ADAMTS19: variants seen among roughly 807,000 people sequenced by gnomAD.
The protein encoded by ADAMTS19 is A disintegrin and metalloproteinase with thrombospondin motifs 19.
ADAMTS19 carries 93 observed loss-of-function variants against 153.3 expected under a neutral mutation model. The observed-to-expected ratio is 0.61, with a 90% CI of 0.51 to 0.72. The LOEUF (loss-of-function observed/expected upper bound fraction) is 0.72, where lower values mean the gene tolerates loss of function less well. Ranked by LOEUF, ADAMTS19 falls within the 30% of genes least tolerant of loss-of-function variation. The probability of loss-of-function intolerance (pLI) is 0.00; values close to 1 mark genes in which losing one functional copy is unlikely to be tolerated. For synonymous variants in ADAMTS19, 600 were observed against 556.6 expected, an observed-to-expected ratio of 1.08 and a Z score of -1.10; for missense variants, 1,482 against 1,552.1, an observed-to-expected ratio of 0.95 and a Z score of 0.76.
At chr5:129,572,437 C>CTTACATTTAGGT (rs2126866433) in intron 7 of ADAMTS19, among the ~76,000 whole-genome samples, 2 of 151,948 alleles carry the variant, frequency 1.3e-5, no homozygotes, top group East Asian at 3.9e-4. Flanking sequence ...TTCAAAAAAA[C>CTTACATTTAGGT]GAAAACTTAC....
At chr5:129,604,207 GT>G (rs11285087) in intron 8 of ADAMTS19, among the ~76,000 whole-genome samples, 126,889 of 152,022 alleles carry the variant, frequency 0.83, 53,212 homozygotes, top group Non-Finnish European at 0.88. Context: ...CATGGCACAC[GT>G]TTTACCTATG....
chr5:129,555,622 A>G (rs1197957416), intron 7 of ADAMTS19, among the ~76,000 whole-genome samples: 3 of 152,188 alleles, frequency 2.0e-5, no homozygotes, highest in African/African-American at 7.2e-5. Flanking sequence ...AAACTGTGAC[A>G]GTCGCAAAGC....
intron 3 of ADAMTS19, among the ~76,000 whole-genome samples, chr5:129,514,934 A>G (rs1469475646): frequency 6.6e-6 from 1 of 152,072 alleles, no homozygotes; most frequent in Admixed American, 6.6e-5. Flanking sequence ...GTTAGATTTA[A>G]ATCTTTAATC....
In ADAMTS19 at chr5:129,582,976, C is replaced by T. The variant is rs190214472; in HGVS notation, c.1373-13583C>T. Among the ~76,000 whole-genome samples, 4 of 152,058 alleles carry T rather than the reference C, an allele frequency of 2.6e-5. No homozygotes were observed. In the East Asian group the frequency reaches 5.8e-4, roughly 22 times the overall value. On this transcript the variant is annotated intron_variant, in intron 7 of 22. Coordinates refer to ENST00000274487, the MANE Select transcript of ADAMTS19 (RefSeq NM_133638.6). The stretch of plus-strand genomic sequence containing the variant: ...TATGATGCTAGTTGGTTATTTTGCC[C>T]GTTATTTGATGCAGTTTCTTCATAG...
At chr5:129,544,640 T>G (rs1425638706) in intron 6 of ADAMTS19, among the ~76,000 whole-genome samples, 3 of 152,206 alleles carry the variant, frequency 2.0e-5, no homozygotes, top group African/African-American at 7.2e-5. Context: ...ACAAGTTTAG[T>G]AAGCAACTAA....
intron 7 of ADAMTS19, among the ~76,000 whole-genome samples, chr5:129,575,137 G>C (rs1385629265): frequency 6.6e-6 from 1 of 151,984 alleles, no homozygotes; most frequent in Admixed American, 6.6e-5. Context: ...TGATCACACT[G>C]AGTAGAAAGC....
At chr5:129,655,904 G>A (rs1305062760) in intron 14 of ADAMTS19, among the ~76,000 whole-genome samples, 3 of 152,042 alleles carry the variant, frequency 2.0e-5, no homozygotes, top group Admixed American at 6.6e-5. Flanking sequence ...AACAGAATAC[G>A]GCAATTACCA....
chr5:129,504,872 G>GACAC (rs34742030), intron 2 of ADAMTS19, among the ~76,000 whole-genome samples: 19,362 of 148,082 alleles, frequency 0.13, 1,469 homozygotes, highest in African/African-American at 0.21. Flanking sequence ...CACACACACA[G>GACAC]ACACACACAC....
chr5:129,709,576 C>T (rs1056850080), intron 21 of ADAMTS19, among the ~76,000 whole-genome samples: 1 of 152,152 alleles, frequency 6.6e-6, no homozygotes. Context: ...TATGCCAGCT[C>T]TTTAAGTGTG....
chr5:129,519,472 A>G (rs1751719343), intron 3 of ADAMTS19, among the ~76,000 whole-genome samples: 1 of 151,992 alleles, frequency 6.6e-6, no homozygotes, highest in African/African-American at 2.4e-5. Context: ...TCCCTTGGCC[A>G]TCCTAGCTGG....
intron 10 of ADAMTS19, among the ~76,000 whole-genome samples, chr5:129,634,434 T>A (rs1752440298): frequency 6.6e-6 from 1 of 152,072 alleles, no homozygotes; most frequent in South Asian, 2.1e-4. Context: ...AAAACCTATT[T>A]TAAAAATCAT....
intron 8 of ADAMTS19, among the ~76,000 whole-genome samples, chr5:129,611,861 C>A (rs1751236948): frequency 6.6e-6 from 1 of 152,038 alleles, no homozygotes; most frequent in Non-Finnish European, 1.5e-5. Flanking sequence ...GGGTTACCCA[C>A]AAAGGGAAGC....
At chr5:129,616,561 A>G (rs1026917587) in intron 8 of ADAMTS19, among the ~76,000 whole-genome samples, 2 of 152,074 alleles carry the variant, frequency 1.3e-5, no homozygotes, top group African/African-American at 4.8e-5. Context: ...TTTCCGCAGG[A>G]TATCACAAAA....
chr5:129,701,587 T>A lies in ADAMTS19; in HGVS notation c.3154T>A (p.Ser1052Thr). Residue 1052 changes from serine to threonine, a missense_variant, in exon 20 of 23, where the codon TCT becomes ACT. Ser to Thr is a moderately conservative substitution (Grantham distance 58). Coordinates refer to ENST00000274487, the MANE Select transcript of ADAMTS19 (RefSeq NM_133638.6). ...GACCGTGTGGGAGGCGGGAGTGTGG[T>A]CTGAGGTGCATACATGCCCCCTTTC... is the stretch of plus-strand genomic sequence containing the variant. ...CMTVWEAGVW[S>T]ECSVKCGKGI... The A allele has an allele frequency of 6.2e-7, 1 of 1,614,080 alleles. No homozygotes were observed. Among genetic ancestry groups the A allele is most frequent in the Non-Finnish European group, 8.5e-7 (1 of 1,180,004 alleles).
chr5:129,536,922 C>T (rs1454683802), intron 6 of ADAMTS19, among the ~76,000 whole-genome samples: 3 of 120,644 alleles, frequency 2.5e-5, no homozygotes, highest in Non-Finnish European at 3.5e-5. Context: ...GGTGGCGGGT[C>T]GGGGGAGGGA....
At chr5:129,570,632 T>TA (rs1491157931) in intron 7 of ADAMTS19, among the ~76,000 whole-genome samples, 82 of 59,546 alleles carry the variant, frequency 1.4e-3, no homozygotes, top group African/African-American at 2.4e-3. Context: ...GGAAAAAAAT[T>TA]AAAAGAAAAA....
chr5:129,505,902 C>T (rs1215270630), intron 2 of ADAMTS19, among the ~76,000 whole-genome samples: 1 of 152,010 alleles, frequency 6.6e-6, no homozygotes, highest in Non-Finnish European at 1.5e-5. Flanking sequence ...ATGAAAAACA[C>T]TTATATACTC....
At position 129,461,709 on chromosome 5, in the gene ADAMTS19, G is replaced by A; in HGVS notation, c.699G>A (p.Leu233=). 6.6e-7 allele frequency: 1 copy of A among 1,526,670 alleles called. No individual in the cohort carries two copies. The highest frequency in any genetic ancestry group is 8.8e-7 in the Non-Finnish European group (1 of 1,141,748). 94.6% of individuals were successfully genotyped at this position (1,526,670 alleles called of 1,614,324 possible). ...GCTGCTTCTACACCGGAGCTGTGCT[G>A]CGGCACCCTGGCTCGCTGGCTTCTT... is the stretch of plus-strand genomic sequence containing the variant. ...DAGCFYTGAV[L]RHPGSLASFS... is the part of the protein sequence containing the mutation. Residue 233 remains leucine, a synonymous_variant, in exon 2 of 23, where the codon CTG becomes CTA. Transcript: ENST00000274487. This position sits in a 1 kb window ranked among gnomAD's most constrained non-coding sequence, Gnocchi z 4.6.
chr5:129,651,203 G>C (rs140795951), intron 13 of ADAMTS19, among the ~76,000 whole-genome samples: 3 of 152,188 alleles, frequency 2.0e-5, no homozygotes, highest in East Asian at 3.9e-4. Context: ...TAATACATGA[G>C]TTTACGTCTT....
Sources: allele counts gnomAD v4.1 joint callset (sites outside exome capture counted in the v4.1 genomes callset), GRCh38; gene constraint gnomAD v4.1.1; non-coding constraint Gnocchi (gnomAD v3.1); transcripts MANE v1.5; gene names NCBI Gene and HGNC (gene_info 2026-07-23, HGNC 2026-07-21).